The following MTPAP variants were observed in gnomAD, a reference collection of about 807,000 sequenced individuals.
MTPAP encodes the protein poly(A) RNA polymerase, mitochondrial.
MTPAP carries 23 observed loss-of-function variants against 48.7 expected under a neutral mutation model. The ratio of observed to expected loss-of-function variants is 0.47; its 90% confidence interval spans 0.34 to 0.67. The LOEUF is 0.67. Ranked by LOEUF, MTPAP falls within the 30% of genes least tolerant of loss-of-function variation. MTPAP has a pLI of 0.01. For missense variants in MTPAP, 614 were observed against 694.3 expected (o/e 0.88, Z 1.30); for synonymous variants, 257 against 254.1 (o/e 1.01, Z -0.11).
intron 4 of MTPAP, among the ~76,000 whole-genome samples, chr10:30,328,848 CG>C (rs1328358596): frequency 4.6e-5 from 7 of 151,770 alleles, no homozygotes; most frequent in Admixed American, 4.6e-4. Context: ...AAAATCAGTG[CG>C]GGTAGGGAGG....
chr10:30,337,963 C>T (rs947646371), intron 3 of MTPAP, among the ~76,000 whole-genome samples: 32 of 152,166 alleles, frequency 2.1e-4, no homozygotes, highest in African/African-American at 7.7e-4. Flanking sequence ...TTATTTGAAA[C>T]CAACATTGAA....
At chr10:30,340,688 G>T (rs1377837803) in intron 2 of MTPAP, among the ~76,000 whole-genome samples, 1 of 152,162 alleles carries the variant, frequency 6.6e-6, no homozygotes, top group African/African-American at 2.4e-5. Context: ...GGACATGGAG[G>T]TGGGCAGATC....
At chr10:30,334,726 G>T (rs1834708622) in intron 4 of MTPAP, among the ~76,000 whole-genome samples, 1 of 152,130 alleles carries the variant, frequency 6.6e-6, no homozygotes. Context: ...AATGGGAAAT[G>T]ATGACTAAAA....
intron 5 of MTPAP, 84 bp from the exon 6 acceptor site, chr10:30,322,701 T>C: frequency 6.6e-6 from 6 of 902,472 alleles, no homozygotes; most frequent in Non-Finnish European, 1.1e-5. Context: ...AAGAAACACA[T>C]CTAAATATCC....
intron 4 of MTPAP, among the ~76,000 whole-genome samples, chr10:30,336,079 G>A (rs1024781802): frequency 2.0e-5 from 3 of 151,970 alleles, no homozygotes; most frequent in African/African-American, 7.3e-5. Flanking sequence ...AAATAAAACA[G>A]GAGAAATTAG....
chr10:30,316,263 G>A (rs1840661166), intron 6 of MTPAP, 53 bp from the exon 7 acceptor site: 4 of 1,350,530 alleles, frequency 3.0e-6, no homozygotes, highest in Non-Finnish European at 3.1e-6. Context: ...CTTTGCCTGA[G>A]ATGGAGTCTC....
intron 1 of MTPAP, among the ~76,000 whole-genome samples, chr10:30,346,556 T>G (rs1179676709): frequency 6.6e-6 from 1 of 152,160 alleles, no homozygotes; most frequent in South Asian, 2.1e-4. Flanking sequence ...AAATTCACAA[T>G]AACCTTTTAA....
chr10:30,343,402 T>C, intron 1 of MTPAP, among the ~76,000 whole-genome samples: 1 of 136,692 alleles, frequency 7.3e-6, no homozygotes. Flanking sequence ...AGGGAGACTG[T>C]CTCAAAAAAA....
At chr10:30,330,545 G>A (rs1834653248) in intron 4 of MTPAP, among the ~76,000 whole-genome samples, 1 of 152,316 alleles carries the variant, frequency 6.6e-6, no homozygotes, top group Non-Finnish European at 1.5e-5. Context: ...TAAAATCCTT[G>A]AGGTAACAGA....
chr10:30,345,202 G>A (rs1834859882), intron 1 of MTPAP, among the ~76,000 whole-genome samples: 1 of 152,154 alleles, frequency 6.6e-6, no homozygotes, highest in South Asian at 2.1e-4. Flanking sequence ...TCTGTAACAT[G>A]CTGTAAGATA....
At chr10:30,323,756 C>A (rs1002270325) in intron 5 of MTPAP, among the ~76,000 whole-genome samples, 5 of 152,192 alleles carry the variant, frequency 3.3e-5, no homozygotes, top group Non-Finnish European at 7.3e-5. Context: ...GTGATCCACT[C>A]GCCTCGGCCT....
At chr10:30,339,186 C>T (rs1301153145) in intron 3 of MTPAP, among the ~76,000 whole-genome samples, 1 of 151,508 alleles carries the variant, frequency 6.6e-6, no homozygotes, top group Non-Finnish European at 1.5e-5. Flanking sequence ...TATTTGAACA[C>T]AGAAGAGACA....
chr10:30,318,123 T>C (rs1405687274), intron 6 of MTPAP, among the ~76,000 whole-genome samples: 1 of 152,202 alleles, frequency 6.6e-6, no homozygotes, highest in Non-Finnish European at 1.5e-5. Flanking sequence ...CCTCCCAAAA[T>C]GCTAGGATTA....
chr10:30,316,115 T>C lies in MTPAP; in HGVS notation c.1312+3A>G, dbSNP rs117698926. 3.2e-4 allele frequency: 509 copies of C among 1,611,968 alleles called. 9 individuals are homozygous for C. In the East Asian group the frequency reaches 8.1e-3, roughly 26 times the overall value. ...AGGATCAAGTAAACAGAAAGACACT[T>C]ACCTAATGTTTCTGTGTTCTGTGAA... On this transcript the variant is annotated splice_donor_region_variant and intron_variant, in intron 7 of 8. Transcript: ENST00000263063.
At position 30,349,143 on chromosome 10, in the gene MTPAP, G is replaced by T; in HGVS notation, c.133C>A (p.Gln45Lys). The T allele has an allele frequency of 6.2e-7, 1 of 1,613,840 alleles. No individual in the cohort carries two copies. Among genetic ancestry groups the T allele is most frequent in the Non-Finnish European group, 8.5e-7 (1 of 1,179,842 alleles). ...CCTGTCTCCACGCTCCCTGAAGGCT[G>T]CTCGTCTCTCCTAAGGTCTTTGGCC... is the stretch of plus-strand genomic sequence containing the variant. ...TVAKDLRRDE[Q>K]PSGSVETGFE... Residue 45 changes from glutamine to lysine, a missense_variant, in exon 1 of 9, where the codon CAG becomes AAG. Around this residue, in one of 5 missense-constraint regions of MTPAP, gnomAD observed 125 missense variants for 111.5 expected, o/e 1.12. Transcript: ENST00000263063.
intron 4 of MTPAP, among the ~76,000 whole-genome samples, chr10:30,335,633 A>C (rs1245630218): frequency 6.6e-6 from 1 of 152,210 alleles, no homozygotes; most frequent in African/African-American, 2.4e-5. Flanking sequence ...AATGGAAGAA[A>C]TAATATCCAA....
chr10:30,343,487 C>G (rs187404400), intron 1 of MTPAP, among the ~76,000 whole-genome samples: 112 of 151,894 alleles, frequency 7.4e-4, no homozygotes, highest in Admixed American at 5.8e-3. Flanking sequence ...TCAGCAGAAG[C>G]TTTTAGCCTC....
intron 2 of MTPAP, 56 bp downstream of exon 2, chr10:30,341,412 G>A: frequency 6.4e-7 from 1 of 1,566,796 alleles, no homozygotes; most frequent in Non-Finnish European, 8.6e-7. Flanking sequence ...AACTAATGGA[G>A]ACCTCCACCC....
chr10:30,315,124 C>T (rs140519165), intron 8 of MTPAP, among the ~76,000 whole-genome samples: 13 of 152,202 alleles, frequency 8.5e-5, no homozygotes, highest in South Asian at 6.2e-4. Context: ...AAAAAGGTGA[C>T]GAACTTTGTA....
Sources: gnomAD v4.1 joint callset for allele counts (sites outside exome capture counted in the v4.1 genomes callset) on GRCh38, gnomAD v4.1.1 for gene constraint, gnomAD v4.1.1 regional missense constraint, MANE v1.5 for transcripts, NCBI Gene and HGNC (gene_info 2026-07-23, HGNC 2026-07-21) for gene names.